Variants in LEO1 observed in about 807,000 individuals in gnomAD.
LEO1 encodes RNA polymerase-associated protein LEO1.
In LEO1, 34 loss-of-function variants were observed where a neutral mutation model predicts 80.4. The observed-to-expected ratio is 0.42, with a 90% CI of 0.32 to 0.56. LEO1 has a LOEUF of 0.56. Among genes scored for constraint, LEO1 ranks in the 20% least tolerant of loss-of-function variants. The probability of loss-of-function intolerance (pLI) is 0.10; values close to 1 mark genes in which losing one functional copy is unlikely to be tolerated. For missense variants in LEO1, 631 were observed against 814.2 expected (o/e 0.77, Z 2.74); for synonymous variants, 262 against 274.9 (o/e 0.95, Z 0.46).
At chr15:51,967,047 CTG>C (rs1401733892) in intron 1 of LEO1, among the ~76,000 whole-genome samples, 1 of 152,088 alleles carries the variant, frequency 6.6e-6, no homozygotes. Context: ...ACTGTCCAAT[CTG>C]AGAAACAGAA....
At chr15:51,961,177 G>C (rs934085571) in intron 3 of LEO1, among the ~76,000 whole-genome samples, 1 of 152,150 alleles carries the variant, frequency 6.6e-6, no homozygotes, top group African/African-American at 2.4e-5. Context: ...AAGGTCAGGA[G>C]TTTGACACCA....
At chr15:51,959,784 A>C in intron 5 of LEO1, 115 bp downstream of exon 5, 2 of 952,664 alleles carry the variant, frequency 2.1e-6, no homozygotes. Context: ...TTTTTCAGAG[A>C]TACACGATCA....
At chr15:51,960,521 C>A in intron 4 of LEO1, 118 bp downstream of exon 4, 1 of 651,866 alleles carries the variant, frequency 1.5e-6, no homozygotes, top group South Asian at 1.9e-5. Flanking sequence ...GTCATCTGTT[C>A]ATGGTATTTT....
In LEO1 at chr15:51,962,263, C is replaced by G. The variant is rs767625713; in HGVS notation, c.919+126G>C. 1.1e-4 allele frequency: 64 copies of G among 563,854 alleles called. 1 individual carries two copies. Among genetic ancestry groups the G allele is most frequent in the Non-Finnish European group, 1.6e-4 (52 of 327,028 alleles). 34.9% of individuals were successfully genotyped at this position (563,854 alleles called of 1,614,324 possible). A position where few individuals can be genotyped will look rare whatever the true frequency, so the allele number is the denominator to read the frequency against. ...ATATAACTTCTCTGAGTACACTGAG[C>G]GTATCCACACTCTTATTCTGTGGGT... On this transcript the variant is annotated intron_variant, in intron 3 of 11. Transcript: ENST00000299601.
chr15:51,962,935 C>CCCA (rs138933224), intron 2 of LEO1, among the ~76,000 whole-genome samples: 22 of 150,614 alleles, frequency 1.5e-4, no homozygotes, highest in African/African-American at 4.9e-4. Flanking sequence ...GCCCCCCCCC[C>CCCA]AAAAAATTAA....
chr15:51,960,510 A>T, intron 4 of LEO1, 129 bp downstream of exon 4: 1 of 619,818 alleles, frequency 1.6e-6, no homozygotes, highest in Non-Finnish European at 2.9e-6. Flanking sequence ...TAATGAAGAA[A>T]GTCATCTGTT....
intron 3 of LEO1, 28 bp downstream of exon 3, chr15:51,962,361 A>T (rs2057037625): frequency 1.4e-6 from 2 of 1,384,790 alleles, no homozygotes; most frequent in Non-Finnish European, 2.0e-6. Context: ...GTATGGAAAT[A>T]TACATATATA....
intron 7 of LEO1, among the ~76,000 whole-genome samples, chr15:51,953,754 G>C (rs951590693): frequency 1.3e-5 from 2 of 152,004 alleles, no homozygotes; most frequent in African/African-American, 4.8e-5. Context: ...CACATGCTGG[G>C]ATGTTTACCA....
intron 3 of LEO1, among the ~76,000 whole-genome samples, chr15:51,961,200 T>C (rs1462950514): frequency 6.6e-6 from 1 of 152,162 alleles, no homozygotes; most frequent in South Asian, 2.1e-4. Flanking sequence ...CTGACCAACA[T>C]GGTGAAACCC....
At chr15:51,944,801 CAT>C (rs761214048) in intron 11 of LEO1, among the ~76,000 whole-genome samples, 17 of 152,204 alleles carry the variant, frequency 1.1e-4, no homozygotes, top group South Asian at 2.1e-4. Context: ...AATTTATACA[CAT>C]GATATGATAT....
At chr15:51,953,635 C>A (rs1172393964) in intron 7 of LEO1, among the ~76,000 whole-genome samples, 9 of 150,646 alleles carry the variant, frequency 6.0e-5, no homozygotes, top group East Asian at 1.9e-4. Flanking sequence ...AAAAAAAAAA[C>A]AAAACAAAAC....
chr15:51,951,485 C>G (rs2056948477), intron 9 of LEO1, among the ~76,000 whole-genome samples: 2 of 152,332 alleles, frequency 1.3e-5, no homozygotes, highest in East Asian at 3.9e-4. Flanking sequence ...CTGGTCTATT[C>G]TCTATTTTAC....
At position 51,959,888 on chromosome 15, in the gene LEO1, G is replaced by C. The variant is rs1204837852; in HGVS notation, c.1160+11C>G. On this transcript the variant is annotated intron_variant, in intron 5 of 11. Transcript: ENST00000299601. ...TCAACATCCTGAAAAAATTTTAATT[G>C]ATTTCCTTACCTGGGCTCTACACTG... 1.3e-6 allele frequency: 2 copies of C among 1,549,924 alleles called. No individual in the cohort carries two copies. The highest frequency in any genetic ancestry group is 1.2e-5 in the South Asian group (1 of 81,392).
intron 11 of LEO1, among the ~76,000 whole-genome samples, chr15:51,943,157 A>G (rs2141742359): frequency 6.6e-6 from 1 of 152,076 alleles, no homozygotes; most frequent in South Asian, 2.1e-4. Flanking sequence ...ATGCGGGCAG[A>G]TCATGAGGTC....
intron 11 of LEO1, among the ~76,000 whole-genome samples, chr15:51,946,697 C>A (rs1017391963): frequency 6.6e-6 from 1 of 152,006 alleles, no homozygotes; most frequent in Non-Finnish European, 1.5e-5. Context: ...CACACCACTA[C>A]ATCCAGCTAA....
chr15:51,965,605 T>C, intron 2 of LEO1, 144 bp downstream of exon 2: 2 of 1,097,708 alleles, frequency 1.8e-6, no homozygotes, highest in Non-Finnish European at 2.5e-6. Context: ...AGAAGCAAAA[T>C]GTATTCTAGA....
intron 1 of LEO1, among the ~76,000 whole-genome samples, chr15:51,971,397 C>A (rs1379883717): frequency 6.6e-6 from 1 of 152,238 alleles, no homozygotes; most frequent in African/African-American, 2.4e-5. Context: ...ACGTTCCTAC[C>A]CGCGCTGCGC....
Position 51,966,011 on chromosome 15 carries a change from T to C in LEO1, c.552A>G (p.Lys184=). 6.2e-7 allele frequency: 1 copy of C among 1,614,124 alleles called. No homozygotes were observed. The highest frequency in any genetic ancestry group is 8.5e-7 in the Non-Finnish European group (1 of 1,180,016). Residue 184 remains lysine, a synonymous_variant, in exon 2 of 12, where the codon AAA becomes AAG. Transcript: ENST00000299601. ...DKLQNSDDDE[K]MQNTDDEERP... ...TCTCCTCATCATCTGTGTTCTGCAT[T>C]TTCTCATCATCGTCAGAATTCTGCA...
intron 11 of LEO1, 39 bp from the exon 12 acceptor site, chr15:51,938,299 A>T: frequency 8.1e-7 from 1 of 1,232,792 alleles, no homozygotes; most frequent in South Asian, 1.3e-5. Context: ...CAAGTCAATA[A>T]AGAACATTTT....
Sources: allele counts gnomAD v4.1 joint callset (sites outside exome capture counted in the v4.1 genomes callset), GRCh38; gene constraint gnomAD v4.1.1; transcripts MANE v1.5; gene names NCBI Gene and HGNC (gene_info 2026-07-23, HGNC 2026-07-21).